The following LATS2 variants were observed in gnomAD, a reference collection of about 807,000 sequenced individuals.
LATS2 encodes serine/threonine-protein kinase LATS2.
A neutral mutation model predicts 76.0 loss-of-function variants in LATS2; 24 were observed. The ratio of observed to expected loss-of-function variants is 0.32; its 90% confidence interval spans 0.23 to 0.44. The LOEUF (loss-of-function observed/expected upper bound fraction) is 0.44. LATS2 is among the 20% of genes least tolerant of loss of function. The pLI, the probability that LATS2 is intolerant of heterozygous loss-of-function variation, is 1.00. For missense variants in LATS2, 1,286 were observed against 1,481.2 expected (o/e 0.87, Z 2.16); for synonymous variants, 692 against 635.4 (o/e 1.09, Z -1.34).
intron 2 of LATS2, among the ~76,000 whole-genome samples, chr13:21,028,800 C>A (rs1872411638): frequency 6.6e-6 from 1 of 152,160 alleles, no homozygotes; most frequent in Non-Finnish European, 1.5e-5. Flanking sequence ...GATCTCTTGA[C>A]CTTGTGATCC....
chr13:21,018,871 C>T (rs1178160003), intron 2 of LATS2, among the ~76,000 whole-genome samples: 1 of 152,178 alleles, frequency 6.6e-6, no homozygotes, highest in Non-Finnish European at 1.5e-5. Flanking sequence ...GTCTTGAACT[C>T]CCGACCTCAA....
intron 1 of LATS2, among the ~76,000 whole-genome samples, chr13:21,047,326 GA>G (rs997739764): frequency 2.0e-5 from 3 of 152,166 alleles, no homozygotes; most frequent in Non-Finnish European, 2.9e-5. Context: ...CGGGTCAGAT[GA>G]CAAGGGTACC....
At chr13:21,034,268 A>G (rs1258234266) in intron 2 of LATS2, among the ~76,000 whole-genome samples, 1 of 152,186 alleles carries the variant, frequency 6.6e-6, no homozygotes, top group Non-Finnish European at 1.5e-5. Flanking sequence ...AAGGTGACAC[A>G]TGGCTACACT....
chr13:21,037,394 C>T (rs942934806), intron 2 of LATS2, among the ~76,000 whole-genome samples: 5 of 152,168 alleles, frequency 3.3e-5, no homozygotes, highest in African/African-American at 9.7e-5. Flanking sequence ...CACAGCAAGA[C>T]TCCATCTCAA....
At chr13:21,048,559 G>A (rs947228753) in intron 1 of LATS2, among the ~76,000 whole-genome samples, 1 of 152,110 alleles carries the variant, frequency 6.6e-6, no homozygotes, top group Admixed American at 6.6e-5. Context: ...GGCTGGACGT[G>A]GTGGCTCACG....
At chr13:21,024,574 T>C (rs1181140483) in intron 2 of LATS2, among the ~76,000 whole-genome samples, 1 of 151,808 alleles carries the variant, frequency 6.6e-6, no homozygotes, top group Admixed American at 6.6e-5. Context: ...TCTTCCTGCA[T>C]AGCGCCTCAC....
In LATS2 at chr13:20,973,301, T is replaced by C; in HGVS notation, c.*1569A>G. The stretch of plus-strand genomic sequence containing the variant: ...ATCTTTATTTTTTTAGTTTAAACAC[T>C]GATAAACTTCTAAGTGTTGTTGCCT... On this transcript the variant is annotated 3_prime_UTR_variant, in exon 8 of 8. Transcript: ENST00000382592. 1 of 231,466 alleles carries C rather than the reference T, an allele frequency of 4.3e-6. No individual in the cohort carries two copies. Among genetic ancestry groups the C allele is most frequent in the East Asian group, 6.2e-5 (1 of 16,158 alleles). The allele number at this position is 231,466 out of a possible 1,614,324, so 14.3% of individuals were successfully genotyped here.
intron 2 of LATS2, among the ~76,000 whole-genome samples, chr13:21,040,395 AG>A (rs1329702967): frequency 1.1e-3 from 168 of 151,434 alleles, no homozygotes; most frequent in African/African-American, 3.9e-3. Context: ...AAAAAAAGAA[AG>A]AAAAAGAAAA....
chr13:21,053,105 C>T (rs998845533), intron 1 of LATS2, among the ~76,000 whole-genome samples: 5 of 151,674 alleles, frequency 3.3e-5, no homozygotes, highest in Admixed American at 2.0e-4. Context: ...TGTGGTGGCA[C>T]GCACCTATAG....
In LATS2 at chr13:20,975,096, G is replaced by C. The variant is rs45523141; in HGVS notation, c.3041C>G (p.Ala1014Gly). Residue 1014 changes from alanine (A) to glycine (G), a missense_variant, in exon 8 of 8, where the codon GCC (alanine) becomes GGC (glycine). Around this residue, in one of 5 missense-constraint regions of LATS2, gnomAD observed 210 missense variants for 234.9 expected, o/e 0.89. Coordinates refer to ENST00000382592, the MANE Select transcript of LATS2 (RefSeq NM_014572.3). The part of the protein sequence containing the change: ...PVDEESPWND[A>G]SEGSTKAWDT... ...CCAGGCCTTGGTGCTACCTTCGCTG[G>C]CATCGTTCCAAGGGCTTTCTTCATC... is the stretch of plus-strand genomic sequence containing the variant. 2,032 of 1,614,234 alleles carry C rather than the reference G, an allele frequency of 1.3e-3. 9 individuals are homozygous for C. The highest frequency in any genetic ancestry group is 2.2e-3 in the Admixed American group (132 of 60,020).
chr13:21,050,213 T>C (rs1159109462), intron 1 of LATS2, among the ~76,000 whole-genome samples: 1 of 151,126 alleles, frequency 6.6e-6, no homozygotes, highest in Non-Finnish European at 1.5e-5. Context: ...ACAGTAAGGC[T>C]TTTGGGGGTG....
chr13:21,030,740 T>G (rs964076757), intron 2 of LATS2, among the ~76,000 whole-genome samples: 10 of 152,096 alleles, frequency 6.6e-5, no homozygotes, highest in African/African-American at 2.4e-4. Flanking sequence ...CTTTAAATAT[T>G]GATGTCTTTT....
chr13:20,986,066 A>G (rs960052252), intron 4 of LATS2, among the ~76,000 whole-genome samples: 75 of 152,310 alleles, frequency 4.9e-4, no homozygotes, highest in African/African-American at 1.7e-3. Flanking sequence ...AAAGTGAGCT[A>G]ATGACCTGAA....
At chr13:21,024,613 C>T (rs1252424644) in intron 2 of LATS2, among the ~76,000 whole-genome samples, 1 of 150,898 alleles carries the variant, frequency 6.6e-6, no homozygotes, top group Non-Finnish European at 1.5e-5. Context: ...ACGGTCATCA[C>T]TGACCAGCAC....
At position 20,973,317 on chromosome 13, in the gene LATS2, G is replaced by A. The variant is rs997169351; in HGVS notation, c.*1553C>T. ...TTTAAACACTGATAAACTTCTAAGT[G>A]TTGTTGCCTAGATATATACTAAGTA... On this transcript the variant is annotated 3_prime_UTR_variant, in exon 8 of 8. Coordinates refer to ENST00000382592, the MANE Select transcript of LATS2 (RefSeq NM_014572.3). 8.7e-6 allele frequency: 2 copies of A among 231,054 alleles called. No homozygotes were observed. Among genetic ancestry groups the A allele is most frequent in the African/African-American group, 4.4e-5 (2 of 45,238 alleles). 14.3% of individuals were successfully genotyped at this position (231,054 alleles called of 1,614,324 possible). A position where few individuals can be genotyped will look rare whatever the true frequency, so the allele number is the denominator to read the frequency against.
intron 2 of LATS2, among the ~76,000 whole-genome samples, chr13:21,044,128 C>T (rs972802289): frequency 2.6e-5 from 4 of 152,244 alleles, no homozygotes; most frequent in Non-Finnish European, 5.9e-5. Context: ...TTTATCAAAG[C>T]AGCTCGACAT....
chr13:20,998,207 A>G lies in LATS2; in HGVS notation c.343-6803T>C, dbSNP rs546802700. The stretch of plus-strand genomic sequence containing the variant: ...CATGTTTGTAAAAAGTGAGAAAATT[A>G]GCTGGGCATGGTGGTGGGTGCCTGT... On this transcript the variant is annotated intron_variant, in intron 2 of 7. Coordinates refer to ENST00000382592, the MANE Select transcript of LATS2 (RefSeq NM_014572.3). Among the ~76,000 whole-genome samples, 23 of 152,164 alleles carry G rather than the reference A, an allele frequency of 1.5e-4. No homozygotes were observed. In the South Asian group the frequency reaches 2.7e-3, roughly 18 times the overall value.
chr13:21,018,555 T>G (rs644431), intron 2 of LATS2, among the ~76,000 whole-genome samples: 147,732 of 152,376 alleles, frequency 0.97, 71,771 homozygotes, highest in East Asian at 1. Flanking sequence ...GCGCAGCAGG[T>G]CCAGGAAGAC....
At chr13:20,980,591 G>T (rs1565941573) in intron 6 of LATS2, among the ~76,000 whole-genome samples, 1 of 152,164 alleles carries the variant, frequency 6.6e-6, no homozygotes, top group Non-Finnish European at 1.5e-5. Context: ...GGCAACAGAG[G>T]CTGCAGAAAA....
Sources: allele counts gnomAD v4.1 joint callset (sites outside exome capture counted in the v4.1 genomes callset), GRCh38; gene constraint gnomAD v4.1.1; regional missense constraint gnomAD v4.1.1; transcripts MANE v1.5; gene names NCBI Gene and HGNC (gene_info 2026-07-23, HGNC 2026-07-21).